GALNT13: variants seen among roughly 807,000 people sequenced by gnomAD.
GALNT13 encodes polypeptide N-acetylgalactosaminyltransferase 13.
A neutral mutation model predicts 64.2 loss-of-function variants in GALNT13; 28 were observed. That is an observed-to-expected ratio of 0.44 (90% CI 0.32 to 0.60). GALNT13 has a LOEUF of 0.60. Among genes scored for constraint, GALNT13 ranks in the 20% least tolerant of loss-of-function variants. The probability of loss-of-function intolerance (pLI) is 0.05; values close to 1 mark genes in which losing one functional copy is unlikely to be tolerated. For missense variants in GALNT13, 577 were observed against 669.8 expected (o/e 0.86, Z 1.53); for synonymous variants, 214 against 224.6 (o/e 0.95, Z 0.42).
the GALNT13 span, among the ~76,000 whole-genome samples, chr2:153,248,176 A>C: frequency 6.6e-6 from 1 of 152,204 alleles, no homozygotes; most frequent in African/African-American, 2.4e-5. Flanking sequence ...TATTCCAAAC[A>C]AAAGAAAAAG....
the GALNT13 span, among the ~76,000 whole-genome samples, chr2:153,792,269 T>C: frequency 1.3e-5 from 2 of 151,302 alleles, no homozygotes; most frequent in African/African-American, 4.9e-5. Context: ...AGTTCCATGG[T>C]TGCATTTATA....
At chr2:153,853,245 A>C in the GALNT13 span, among the ~76,000 whole-genome samples, 2 of 152,112 alleles carry the variant, frequency 1.3e-5, no homozygotes, top group Non-Finnish European at 2.9e-5. Flanking sequence ...GTGCCCACCC[A>C]GATTGGGGGT....
At chr2:153,942,836 C>T (rs972584105) in intron 2 of GALNT13, among the ~76,000 whole-genome samples, 7 of 152,054 alleles carry the variant, frequency 4.6e-5, no homozygotes, top group African/African-American at 1.4e-4. Flanking sequence ...TTATAACAGG[C>T]AACAGAATTT....
the GALNT13 span, among the ~76,000 whole-genome samples, chr2:153,402,534 G>A: frequency 3.3e-5 from 5 of 151,982 alleles, no homozygotes; most frequent in Admixed American, 3.3e-4. Context: ...TTCCAACTTG[G>A]TTCCATTCTC....
intron 4 of GALNT13, among the ~76,000 whole-genome samples, chr2:154,221,156 A>G (rs1688304276): frequency 6.6e-6 from 1 of 152,062 alleles, no homozygotes; most frequent in Non-Finnish European, 1.5e-5. Flanking sequence ...ATTGTCAGTC[A>G]ATTAACTTAG....
chr2:154,419,107 G>A (rs927991879), intron 11 of GALNT13, among the ~76,000 whole-genome samples: 1 of 152,012 alleles, frequency 6.6e-6, no homozygotes, highest in African/African-American at 2.4e-5. Flanking sequence ...AATAAATCCT[G>A]CACAGGAGTG....
intron 3 of GALNT13, among the ~76,000 whole-genome samples, chr2:154,071,349 G>A (rs1413577438): frequency 6.6e-6 from 1 of 152,118 alleles, no homozygotes; most frequent in Non-Finnish European, 1.5e-5. Context: ...CTGGGTCTTT[G>A]TGTTACAGCA....
the GALNT13 span, among the ~76,000 whole-genome samples, chr2:153,513,372 C>T: frequency 3.9e-5 from 6 of 152,138 alleles, no homozygotes; most frequent in Admixed American, 3.9e-4. Context: ...TTTTGTTTCC[C>T]TTACTCATTC....
intron 4 of GALNT13, among the ~76,000 whole-genome samples, chr2:154,210,201 A>C (rs926771068): frequency 2.0e-5 from 3 of 152,178 alleles, no homozygotes; most frequent in African/African-American, 7.2e-5. Context: ...ATTCCATTGT[A>C]TATTTATACC....
the GALNT13 span, among the ~76,000 whole-genome samples, chr2:153,207,051 A>G: frequency 6.6e-6 from 1 of 152,102 alleles, no homozygotes; most frequent in African/African-American, 2.4e-5. Context: ...CAACATTAAC[A>G]ATACTTAATA....
intron 2 of GALNT13, among the ~76,000 whole-genome samples, chr2:153,917,103 G>T (rs1689408409): frequency 6.6e-6 from 1 of 150,976 alleles, no homozygotes; most frequent in Admixed American, 6.6e-5. Flanking sequence ...CTATTTAACA[G>T]CTTTAAAACA....
In GALNT13 at chr2:154,349,152, C is replaced by T. The variant is rs574542186; in HGVS notation, c.1157-46839C>T. Among the ~76,000 whole-genome samples the T allele has an allele frequency of 2.3e-3, 351 of 152,262 alleles. 2 individuals are homozygous for T. The highest frequency in any genetic ancestry group is 7.9e-3 in the African/African-American group (328 of 41,558). ...GTCCACATGAGCAATCGTCAGTAAA[C>T]AGGCACGTATAATCCAAGGAGAGAG... is the stretch of plus-strand genomic sequence containing the variant. On this transcript the variant is annotated intron_variant, in intron 9 of 12. Transcript: ENST00000392825.
intron 4 of GALNT13, among the ~76,000 whole-genome samples, chr2:154,192,162 A>T (rs567800614): frequency 8.5e-5 from 13 of 152,242 alleles, no homozygotes; most frequent in Admixed American, 8.5e-4. Context: ...GGTGCCTTTC[A>T]GTGTGCTCTC....
At chr2:153,880,397 C>T (rs952453880) in intron 1 of GALNT13, among the ~76,000 whole-genome samples, 9 of 151,696 alleles carry the variant, frequency 5.9e-5, no homozygotes, top group Non-Finnish European at 5.9e-5. Flanking sequence ...TATTTTAGAC[C>T]GATGTTTGAT....
At chr2:154,332,909 CA>C (rs1213875362) in intron 9 of GALNT13, among the ~76,000 whole-genome samples, 1 of 151,860 alleles carries the variant, frequency 6.6e-6, no homozygotes, top group Non-Finnish European at 1.5e-5. Context: ...CGTAGAAACA[CA>C]AAAAACCCAT....
the GALNT13 span, among the ~76,000 whole-genome samples, chr2:153,126,935 G>A: frequency 2.6e-5 from 4 of 151,252 alleles, no homozygotes; most frequent in Non-Finnish European, 4.4e-5. Flanking sequence ...ATAATTTTTC[G>A]TTGGCTGGCT....
At chr2:153,527,133 GA>G in the GALNT13 span, among the ~76,000 whole-genome samples, 1 of 151,958 alleles carries the variant, frequency 6.6e-6, no homozygotes, top group Non-Finnish European at 1.5e-5. Flanking sequence ...TATTCAAAGG[GA>G]TAACAACAGA....
chr2:153,776,091 C>A, the GALNT13 span, among the ~76,000 whole-genome samples: 1 of 151,978 alleles, frequency 6.6e-6, no homozygotes. Flanking sequence ...TAAGAAAAAC[C>A]TATTATATCT....
At chr2:154,125,790 G>A (rs1366858140) in intron 3 of GALNT13, among the ~76,000 whole-genome samples, 1 of 152,140 alleles carries the variant, frequency 6.6e-6, no homozygotes, top group Non-Finnish European at 1.5e-5. Context: ...AGTAAGAATG[G>A]AGGTTGGTAA....
Sources: allele counts gnomAD v4.1 joint callset (sites outside exome capture counted in the v4.1 genomes callset), GRCh38; gene constraint gnomAD v4.1.1; transcripts MANE v1.5; gene names NCBI Gene and HGNC (gene_info 2026-07-23, HGNC 2026-07-21).